The following PRRX2 variants were observed in gnomAD, a reference collection of about 807,000 sequenced individuals.
PRRX2 encodes the protein paired mesoderm homeobox protein 2.
PRRX2 carries 11 observed loss-of-function variants against 18.0 expected under a neutral mutation model. The observed-to-expected ratio is 0.61, with a 90% CI of 0.39 to 1.01. PRRX2 has a LOEUF of 1.01. PRRX2 is among the 50% of genes least tolerant of loss of function. The pLI, the probability that PRRX2 is intolerant of heterozygous loss-of-function variation, is 0.01. For synonymous variants in PRRX2, 177 were observed against 154.8 expected (o/e 1.14, Z -1.06); for missense variants, 387 against 351.0 (o/e 1.10, Z -0.82).
chr9:129,666,814 G>C (rs974134227), intron 1 of PRRX2, among the ~76,000 whole-genome samples: 1 of 152,218 alleles, frequency 6.6e-6, no homozygotes, highest in African/African-American at 2.4e-5. Context: ...ACGGTTCAGT[G>C]GGGGAGGGGA....
Position 129,675,611 on chromosome 9 carries a change from C to T in PRRX2, c.259+9485C>T, listed in dbSNP as rs895302495. Among the ~76,000 whole-genome samples, 3 of 152,176 alleles carry T rather than the reference C, an allele frequency of 2.0e-5. No individual in the cohort carries two copies. The highest frequency in any genetic ancestry group is 2.1e-4 in the South Asian group (1 of 4,828). On this transcript the variant is annotated intron_variant, in intron 1 of 3. Coordinates refer to ENST00000372469, the MANE Select transcript of PRRX2 (RefSeq NM_016307.4). The surrounding 1 kb of genome is among the most constrained non-coding windows in gnomAD (Gnocchi z 4.4). ...TGCCCCAGACTTTGTCCTCCTGCCCCCACCCCCGCCTCCCTGTCTGTCCTC... is the reference window on the plus strand; with the variant it reads ...TGCCCCAGACTTTGTCCTCCTGCCCTCACCCCCGCCTCCCTGTCTGTCCTC...
chr9:129,690,460 G>A (rs1349835721), intron 1 of PRRX2, among the ~76,000 whole-genome samples: 2 of 151,276 alleles, frequency 1.3e-5, no homozygotes, highest in African/African-American at 4.9e-5. Flanking sequence ...GGGGCTGCTA[G>A]TCCTTGGACA....
chr9:129,666,571 AC>A (rs532808399), intron 1 of PRRX2, among the ~76,000 whole-genome samples: 41 of 95,498 alleles, frequency 4.3e-4, no homozygotes, highest in Middle Eastern at 6.3e-3. Flanking sequence ...GTGCCTGCCC[AC>A]CCCCCCCCAC....
In PRRX2 at chr9:129,715,409, T is replaced by C. The variant is rs758135574; in HGVS notation, c.260-3822T>C. ...GAGTTTAAGACCAGTCTTGGCAACA[T>C]AGTAAGACCTCATCTCTACATTAAA... On this transcript the variant is annotated intron_variant, in intron 1 of 3. Coordinates refer to ENST00000372469, the MANE Select transcript of PRRX2 (RefSeq NM_016307.4). The surrounding 1 kb of genome is among the most constrained non-coding windows in gnomAD (Gnocchi z 4.0). 5.3e-5 allele frequency among the ~76,000 whole-genome samples: 8 copies of C among 151,994 alleles called. No homozygotes were observed. The highest frequency in any genetic ancestry group is 1.2e-4 in the Non-Finnish European group (8 of 68,010).
Position 129,722,448 on chromosome 9 carries a change from T to G in PRRX2, c.*96T>G. 19 of 1,442,012 alleles carry G rather than the reference T, an allele frequency of 1.3e-5. No homozygotes were observed. The highest frequency in any genetic ancestry group is 1.8e-5 in the Non-Finnish European group (19 of 1,077,656). The allele number at this position is 1,442,012 out of a possible 1,614,324, so 89.3% of individuals were successfully genotyped here. Reference sequence around the variant, plus strand: ...AAGTGACCTTCTCCTGGATGAGCTCTCCTGGCCCGTCTGTCCAGCCTGGAC... The same window carrying G: ...AAGTGACCTTCTCCTGGATGAGCTCGCCTGGCCCGTCTGTCCAGCCTGGAC... On this transcript the variant is annotated 3_prime_UTR_variant, in exon 4 of 4. Coordinates refer to ENST00000372469, the MANE Select transcript of PRRX2 (RefSeq NM_016307.4).
intron 1 of PRRX2, among the ~76,000 whole-genome samples, chr9:129,708,391 A>G (rs181759409): frequency 1.6e-3 from 251 of 152,200 alleles, no homozygotes; most frequent in Admixed American, 3.7e-3. Flanking sequence ...CTGTCTCATC[A>G]TGGTTTTGAT....
rs762748550 is a variant in PRRX2 at position 129,722,215 on chromosome 9, A to G, written c.627-2A>G. The G allele has an allele frequency of 1.9e-6, 3 of 1,613,248 alleles. No homozygotes were observed. The highest frequency in any genetic ancestry group is 2.5e-6 in the Non-Finnish European group (3 of 1,179,622). ...GTGACCTGTGTCTCATGTCGCCCCC[A>G]GCACAGTGCCACCCTACAGCCCTGG... is the stretch of plus-strand genomic sequence containing the variant. On this transcript the variant is annotated splice_acceptor_variant, in intron 3 of 3. Transcript: ENST00000372469. LOFTEE classifies it high-confidence loss of function.
intron 1 of PRRX2, among the ~76,000 whole-genome samples, chr9:129,713,500 G>A (rs1832658282): frequency 6.6e-6 from 1 of 152,210 alleles, no homozygotes. Flanking sequence ...AGCTGGGACT[G>A]AGCGTGTGAC....
intron 1 of PRRX2, among the ~76,000 whole-genome samples, chr9:129,684,513 CACACA>C (rs879302924): frequency 0.026 from 1,151 of 44,292 alleles, 7 homozygotes; most frequent in Middle Eastern, 0.073. Context: ...CACACACACA[CACACA>C]CACACCCACA....
At chr9:129,676,896 A>C (rs760167495) in intron 1 of PRRX2, among the ~76,000 whole-genome samples, 2 of 152,210 alleles carry the variant, frequency 1.3e-5, no homozygotes, top group African/African-American at 2.4e-5. Context: ...AACCTCCCTA[A>C]GTTGGGAAGA....
chr9:129,713,631 T>A (rs1360131308), intron 1 of PRRX2, among the ~76,000 whole-genome samples: 1 of 151,332 alleles, frequency 6.6e-6, no homozygotes, highest in Admixed American at 6.6e-5. Context: ...TCCTTTTTTT[T>A]CTTTCTTTTT....
intron 1 of PRRX2, among the ~76,000 whole-genome samples, chr9:129,672,563 G>A (rs1158349079): frequency 6.6e-6 from 1 of 152,198 alleles, no homozygotes; most frequent in African/African-American, 2.4e-5. Context: ...CCAGGCAGGC[G>A]CAGGCTGCAT....
At chr9:129,701,291 C>T (rs1832492705) in intron 1 of PRRX2, among the ~76,000 whole-genome samples, 8 of 152,236 alleles carry the variant, frequency 5.3e-5, no homozygotes, top group Admixed American at 5.2e-4. Context: ...TGCACCATCA[C>T]ATTGACTTCG....
intron 1 of PRRX2, among the ~76,000 whole-genome samples, chr9:129,687,544 C>T (rs1378089765): frequency 3.3e-5 from 5 of 152,232 alleles, no homozygotes; most frequent in South Asian, 2.1e-4. Context: ...CTGTACCAGC[C>T]GGCTTCCCTC....
chr9:129,681,513 C>T (rs1832230154), intron 1 of PRRX2, among the ~76,000 whole-genome samples: 1 of 151,664 alleles, frequency 6.6e-6, no homozygotes, highest in African/African-American at 2.4e-5. Flanking sequence ...GAGCAAGACT[C>T]CATTTCAAAA....
At chr9:129,670,277 G>A (rs1832084587) in intron 1 of PRRX2, among the ~76,000 whole-genome samples, 1 of 151,836 alleles carries the variant, frequency 6.6e-6, no homozygotes, top group South Asian at 2.1e-4. Context: ...GAACAGCACC[G>A]CTGTGGACGT....
In PRRX2 at chr9:129,677,095, G is replaced by T. The variant is rs185383194; in HGVS notation, c.259+10969G>T. On this transcript the variant is annotated intron_variant, in intron 1 of 3. Coordinates refer to ENST00000372469, the MANE Select transcript of PRRX2 (RefSeq NM_016307.4). Reference sequence around the variant, plus strand: ...TTATTTGCTCATTTGTTCAGCGCATGTGCGTGTTGTTTTGAGGCGTGGTGC... The same window carrying T: ...TTATTTGCTCATTTGTTCAGCGCATTTGCGTGTTGTTTTGAGGCGTGGTGC... Among the ~76,000 whole-genome samples the T allele has an allele frequency of 1.5e-4, 23 of 152,350 alleles. No homozygotes were observed. In the East Asian group the frequency reaches 4.4e-3, roughly 29 times the overall value.
chr9:129,666,551 G>T (rs553019533), intron 1 of PRRX2, among the ~76,000 whole-genome samples: 2 of 151,092 alleles, frequency 1.3e-5, no homozygotes, highest in East Asian at 1.9e-4. Flanking sequence ...GGGCTCTTTG[G>T]GGGGCGAGGG....
intron 1 of PRRX2, among the ~76,000 whole-genome samples, chr9:129,713,556 G>A (rs1832658761): frequency 6.6e-6 from 1 of 152,210 alleles, no homozygotes; most frequent in South Asian, 2.1e-4. Context: ...GAAGAGGGAG[G>A]AGGCCCCGTG....
Sources: allele counts gnomAD v4.1 joint callset (sites outside exome capture counted in the v4.1 genomes callset), GRCh38; gene constraint gnomAD v4.1.1; non-coding constraint Gnocchi (gnomAD v3.1); transcripts MANE v1.5; gene names NCBI Gene and HGNC (gene_info 2026-07-23, HGNC 2026-07-21).